ATP8B1: variants seen among roughly 807,000 people sequenced by gnomAD.
ATP8B1 encodes phospholipid-transporting ATPase IC.
In ATP8B1, 80 loss-of-function variants were observed where a neutral mutation model predicts 149.9. That is an observed-to-expected ratio of 0.53 (90% CI 0.45 to 0.64). The LOEUF (loss-of-function observed/expected upper bound fraction) is 0.64. Ranked by LOEUF, ATP8B1 falls within the 30% of genes least tolerant of loss-of-function variation. ATP8B1 has a pLI of 0.00. For missense variants in ATP8B1, 1,247 were observed against 1,552.6 expected (o/e 0.80, Z 3.31); for synonymous variants, 536 against 562.8 (o/e 0.95, Z 0.67).
intron 1 of ATP8B1, chr18:57,801,825 C>A (rs2080578521): frequency 6.6e-6 from 1 of 152,186 alleles, no homozygotes. Flanking sequence ...GGCCAGTTTC[C>A]GGGAGAGGAA....
chr18:57,732,169 ATG>A (rs367743944), intron 1 of ATP8B1: 15 of 112,596 alleles, frequency 1.3e-4, no homozygotes, highest in African/African-American at 5.1e-4. Context: ...ATATGTATAT[ATG>A]TATATATGTG....
intron 1 of ATP8B1, among the ~76,000 whole-genome samples, chr18:57,778,842 C>T (rs1304907394): frequency 6.6e-6 from 1 of 152,106 alleles, no homozygotes; most frequent in Non-Finnish European, 1.5e-5. Flanking sequence ...GAAGTGACAT[C>T]CCATCACTGT....
Position 57,731,619 on chromosome 18 carries a change from G to T in ATP8B1, c.181+8C>A, listed in dbSNP as rs373354795. 1 of 1,613,912 alleles carries T rather than the reference G, an allele frequency of 6.2e-7. No individual in the cohort carries two copies. Among genetic ancestry groups the T allele is most frequent in the Non-Finnish European group, 8.5e-7 (1 of 1,179,936 alleles). ...AGCGACCTAGTCACCGGGACTTCAT[G>T]TGGTTACCTTTTCTGAATGGCTCCC... On this transcript the variant is annotated splice_region_variant and intron_variant, in intron 2 of 27. Transcript: ENST00000648908.
chr18:57,752,041 A>G (rs2080026080), intron 1 of ATP8B1, among the ~76,000 whole-genome samples: 2 of 151,822 alleles, frequency 1.3e-5, no homozygotes, highest in Admixed American at 1.3e-4. Context: ...CCCTATCTCT[A>G]CAAAAAAATA....
chr18:57,691,613 G>A (rs1390014000), intron 12 of ATP8B1, among the ~76,000 whole-genome samples, 194 bp downstream of exon 12: 1 of 152,116 alleles, frequency 6.6e-6, no homozygotes, highest in East Asian at 1.9e-4. Flanking sequence ...TGAGATAAAA[G>A]GTGCCTGGCA....
intron 1 of ATP8B1, among the ~76,000 whole-genome samples, chr18:57,790,890 T>C (rs922437233): frequency 6.6e-6 from 1 of 152,024 alleles, no homozygotes; most frequent in African/African-American, 2.4e-5. Context: ...CTGGCTAATT[T>C]TTGTATTTTT....
At chr18:57,685,181 G>T in intron 13 of ATP8B1, 66 bp from the exon 14 acceptor site, 1 of 1,557,720 alleles carries the variant, frequency 6.4e-7, no homozygotes, top group Non-Finnish European at 8.9e-7. Flanking sequence ...TCCTTACCTG[G>T]CTTTGCTTAT....
intron 2 of ATP8B1, among the ~76,000 whole-genome samples, chr18:57,725,508 T>G (rs1245112249): frequency 6.6e-6 from 1 of 152,060 alleles, no homozygotes; most frequent in Non-Finnish European, 1.5e-5. Context: ...AATGACTGTC[T>G]TCACAGAAAT....
chr18:57,750,174 T>C (rs2080002647), intron 1 of ATP8B1, among the ~76,000 whole-genome samples: 1 of 151,906 alleles, frequency 6.6e-6, no homozygotes, highest in African/African-American at 2.4e-5. Flanking sequence ...ACCTGGGAGG[T>C]GGAGGTTGCA....
intron 3 of ATP8B1, among the ~76,000 whole-genome samples, chr18:57,705,810 C>T (rs529508956): frequency 6.6e-6 from 1 of 152,284 alleles, no homozygotes; most frequent in South Asian, 2.1e-4. Flanking sequence ...TATGGAAGCC[C>T]TTGGCATTAA....
intron 1 of ATP8B1, among the ~76,000 whole-genome samples, chr18:57,752,430 A>G (rs745690101): frequency 2.0e-5 from 3 of 152,096 alleles, no homozygotes; most frequent in Admixed American, 6.5e-5. Flanking sequence ...TTCTCCATTT[A>G]TAACATGAAG....
intron 1 of ATP8B1, among the ~76,000 whole-genome samples, chr18:57,735,967 G>GT (rs2079848788): frequency 1.5e-5 from 2 of 134,462 alleles, no homozygotes. Context: ...CCCATTCCTT[G>GT]CCCCCCCCAC....
At chr18:57,796,678 T>C (rs575943913) in intron 1 of ATP8B1, among the ~76,000 whole-genome samples, 1 of 145,930 alleles carries the variant, frequency 6.9e-6, no homozygotes, top group South Asian at 2.1e-4. Flanking sequence ...ACCTATGCTG[T>C]TGTTTGTTTG....
At chr18:57,656,751 G>C (rs1336163258) in intron 22 of ATP8B1, among the ~76,000 whole-genome samples, 1 of 148,342 alleles carries the variant, frequency 6.7e-6, no homozygotes, top group Admixed American at 6.8e-5. Context: ...GGGTGGGGAG[G>C]AGGGAGAGAA....
In ATP8B1 at chr18:57,647,295, T is replaced by A. The variant is rs1909237098; in HGVS notation, c.*1193A>T. ...GGGAAGCTGCTAAAATAATATTTGA[T>A]AGTAAAAGTATGTAATGTGCTATCT... is the stretch of plus-strand genomic sequence containing the variant. On this transcript the variant is annotated 3_prime_UTR_variant, in exon 28 of 28. Coordinates refer to ENST00000648908, the MANE Select transcript of ATP8B1 (RefSeq NM_001374385.1). 1 of 152,220 alleles carries A rather than the reference T, an allele frequency of 6.6e-6. No homozygotes were observed. Among genetic ancestry groups the A allele is most frequent in the Admixed American group, 6.5e-5 (1 of 15,280 alleles). 9.4% of individuals were successfully genotyped at this position (152,220 alleles called of 1,614,324 possible).
intron 1 of ATP8B1, chr18:57,732,145 G>GTATATATGTA (rs1429857724): frequency 1.9e-3 from 58 of 31,084 alleles, no homozygotes; most frequent in East Asian, 0.011. Flanking sequence ...GTATATATGT[G>GTATATATGTA]TATATATGTA....
chr18:57,731,622 G>A lies in ATP8B1; in HGVS notation c.181+5C>T, dbSNP rs779743655. On this transcript the variant is annotated splice_donor_5th_base_variant and intron_variant, in intron 2 of 27. Transcript: ENST00000648908. ...GACCTAGTCACCGGGACTTCATGTG[G>A]TTACCTTTTCTGAATGGCTCCCGGT... 12 of 1,613,796 alleles carry A rather than the reference G, an allele frequency of 7.4e-6. No homozygotes were observed. In the African/African-American group the frequency reaches 1.5e-4, roughly 20 times the overall value.
chr18:57,663,761 ATTTTTTTTTTTT>A (rs10598900), intron 20 of ATP8B1, among the ~76,000 whole-genome samples: 1 of 97,462 alleles, frequency 1.0e-5, no homozygotes, highest in East Asian at 3.8e-4. Flanking sequence ...TGCTTTGCCC[ATTTTTTTTTTTT>A]TTTTTTTTTT....
chr18:57,694,416 T>A (rs1912696506), intron 11 of ATP8B1, among the ~76,000 whole-genome samples, 166 bp downstream of exon 11: 1 of 151,958 alleles, frequency 6.6e-6, no homozygotes, highest in Non-Finnish European at 1.5e-5. Flanking sequence ...AGTAAGGCAT[T>A]TCTGGAAAAA....
Sources: gnomAD v4.1 joint callset for allele counts (sites outside exome capture counted in the v4.1 genomes callset) on GRCh38, gnomAD v4.1.1 for gene constraint, MANE v1.5 for transcripts, NCBI Gene and HGNC (gene_info 2026-07-23, HGNC 2026-07-21) for gene names.